The following ANKS3 variants were observed in gnomAD, a reference collection of about 807,000 sequenced individuals.
ANKS3 encodes ankyrin repeat and SAM domain-containing protein 3.
In ANKS3, 62 loss-of-function variants were observed where a neutral mutation model predicts 80.7. The observed-to-expected ratio is 0.77, with a 90% confidence interval of 0.63 to 0.95. The LOEUF is 0.95. ANKS3 is among the 40% of genes least tolerant of loss of function. The pLI, the probability that ANKS3 is intolerant of heterozygous loss-of-function variation, is 0.00. For synonymous variants in ANKS3, 489 were observed against 355.3 expected (o/e 1.38, Z -4.23); for missense variants, 1,150 against 883.6 (o/e 1.30, Z -3.82).
intron 8 of ANKS3, among the ~76,000 whole-genome samples, chr16:4,703,421 A>ATTT (rs3051126): frequency 3.8e-5 from 5 of 131,622 alleles, no homozygotes; most frequent in Non-Finnish European, 4.9e-5. Flanking sequence ...GGCCCCCCCA[A>ATTT]TTTTTTTTTT....
intron 3 of ANKS3, among the ~76,000 whole-genome samples, chr16:4,728,270 C>G (rs1205310290): frequency 1.3e-5 from 2 of 152,194 alleles, no homozygotes; most frequent in Non-Finnish European, 2.9e-5. Context: ...TGGTCTCGAT[C>G]TCCTGACCTC....
At chr16:4,716,569 C>T (rs564074703) in intron 6 of ANKS3, among the ~76,000 whole-genome samples, 37 of 152,086 alleles carry the variant, frequency 2.4e-4, no homozygotes, top group Admixed American at 9.8e-4. Context: ...TAGAGTGCCC[C>T]CCATCCTACT....
chr16:4,720,685 A>C (rs2081044015), intron 6 of ANKS3, among the ~76,000 whole-genome samples: 1 of 151,384 alleles, frequency 6.6e-6, no homozygotes, highest in African/African-American at 2.4e-5. Context: ...TCATGCCTGT[A>C]ATCTCAGCAC....
At chr16:4,698,393 G>C (rs761672053) in intron 14 of ANKS3, 34 bp downstream of exon 14, 26 of 1,453,024 alleles carry the variant, frequency 1.8e-5, no homozygotes, top group Non-Finnish European at 2.3e-5. Flanking sequence ...CTGACCACTG[G>C]AGACCCAGCC....
chr16:4,698,243 G>A lies in ANKS3; in HGVS notation c.1725-181C>T, dbSNP rs936793477. The A allele has an allele frequency of 4.3e-5, 49 of 1,133,706 alleles. No homozygotes were observed. The Middle Eastern group carries it at 1.7e-3, about 40-fold the overall frequency. The allele number at this position is 1,133,706 out of a possible 1,614,324, so 70.2% of individuals were successfully genotyped here. On this transcript the variant is annotated intron_variant, in intron 14 of 17. Coordinates refer to ENST00000304283, the MANE Select transcript of ANKS3 (RefSeq NM_133450.4). ...AGGAGGGCGACCGGTGCAGATTCCCGGACCCAACTCCTGCCTGGGTCTGCC... is the reference window on the plus strand; with the variant it reads ...AGGAGGGCGACCGGTGCAGATTCCCAGACCCAACTCCTGCCTGGGTCTGCC...
chr16:4,697,593 C>G (rs1342161623), intron 15 of ANKS3, among the ~76,000 whole-genome samples, 177 bp from the exon 16 acceptor site: 3 of 151,988 alleles, frequency 2.0e-5, no homozygotes, highest in African/African-American at 7.2e-5. Context: ...TGCCCTTCCT[C>G]CCACAGGCTG....
At chr16:4,725,493 A>C (rs1567437046) in intron 5 of ANKS3, among the ~76,000 whole-genome samples, 1 of 152,180 alleles carries the variant, frequency 6.6e-6, no homozygotes, top group Non-Finnish European at 1.5e-5. Flanking sequence ...AATTAGTAGC[A>C]TATTTTTTCT....
At chr16:4,726,324 G>GA (rs76467642) in intron 5 of ANKS3, among the ~76,000 whole-genome samples, 77,983 of 152,044 alleles carry the variant, frequency 0.51, 20,532 homozygotes, top group East Asian at 0.67. Flanking sequence ...CAAAAAGCAA[G>GA]AAAATGGAAG....
At chr16:4,724,233 C>T (rs368587929) in intron 6 of ANKS3, among the ~76,000 whole-genome samples, 17 of 152,162 alleles carry the variant, frequency 1.1e-4, no homozygotes, top group Non-Finnish European at 4.4e-5. Flanking sequence ...AGATTGTACA[C>T]GGAATACTGT....
intron 13 of ANKS3, 40 bp downstream of exon 13, chr16:4,698,760 G>A (rs375505524): frequency 7.8e-5 from 123 of 1,567,506 alleles, no homozygotes; most frequent in Non-Finnish European, 9.6e-5. Context: ...CCAACTCACG[G>A]GTGTCACCCT....
rs1261411545 is a variant in ANKS3 at position 4,710,112 on chromosome 16, T to C, written c.709+3939A>G. Among the ~76,000 whole-genome samples, 2 of 152,120 alleles carry C rather than the reference T, an allele frequency of 1.3e-5. 1 individual carries two copies. Among genetic ancestry groups the C allele is most frequent in the South Asian group, 4.1e-4 (2 of 4,826 alleles). Reference sequence around the variant, plus strand: ...TCAAACATGTAGAGTAGAATAGTGATTATCAGAGGTTGGGGGTGGGGAGGT... The same window carrying C: ...TCAAACATGTAGAGTAGAATAGTGACTATCAGAGGTTGGGGGTGGGGAGGT... On this transcript the variant is annotated intron_variant, in intron 7 of 17. Coordinates refer to ENST00000304283, the MANE Select transcript of ANKS3 (RefSeq NM_133450.4).
At position 4,730,170 on chromosome 16, in the gene ANKS3, G is replaced by A; in HGVS notation, c.-2-19C>T. 1 of 1,480,360 alleles carries A rather than the reference G, an allele frequency of 6.8e-7. No individual in the cohort carries two copies. The highest frequency in any genetic ancestry group is 2.5e-5 in the East Asian group (1 of 39,402). 91.7% of individuals were successfully genotyped at this position (1,480,360 alleles called of 1,614,324 possible). On this transcript the variant is annotated intron_variant, in intron 2 of 17. Transcript: ENST00000304283. ...GACATCACTGAGGAGGAAGGCCCAA[G>A]GGTTAGATCTTTCCTGGCTGGTTGT... is the stretch of plus-strand genomic sequence containing the variant.
At chr16:4,714,636 C>T (rs1400011580) in intron 6 of ANKS3, among the ~76,000 whole-genome samples, 1 of 152,234 alleles carries the variant, frequency 6.6e-6, no homozygotes, top group Non-Finnish European at 1.5e-5. Flanking sequence ...TGCAGCGCAA[C>T]AATTCCACTT....
At chr16:4,700,638 T>C (rs900483088) in intron 11 of ANKS3, 1 of 422,776 alleles carries the variant, frequency 2.4e-6, no homozygotes, top group Non-Finnish European at 4.5e-6. Flanking sequence ...GTGTAGTTCC[T>C]GTCTCTGCTT....
intron 7 of ANKS3, among the ~76,000 whole-genome samples, chr16:4,707,956 C>CA (rs200188014): frequency 0.011 from 1,700 of 150,380 alleles, 27 homozygotes; most frequent in African/African-American, 0.039. Context: ...ACTAAAAATA[C>CA]AAAAAAAAAT....
chr16:4,708,858 G>T lies in ANKS3; in HGVS notation c.710-3605C>A, dbSNP rs181733251. Among the ~76,000 whole-genome samples the T allele has an allele frequency of 2.3e-3, 351 of 151,914 alleles. 1 individual carries two copies. The highest frequency in any genetic ancestry group is 7.9e-3 in the African/African-American group (327 of 41,436). ...AAAGGCTGAGGCAGGAGAATCGCTT[G>T]AACCTGGGAGGCGGGGGTTGCAGTG... On this transcript the variant is annotated intron_variant, in intron 7 of 17. Transcript: ENST00000304283.
intron 7 of ANKS3, among the ~76,000 whole-genome samples, chr16:4,706,778 G>A (rs2080218023): frequency 6.6e-6 from 1 of 152,188 alleles, no homozygotes; most frequent in African/African-American, 2.4e-5. Context: ...GGGCAGAAAT[G>A]AAGGGAAAGG....
At chr16:4,697,272 G>T in intron 16 of ANKS3, 61 bp downstream of exon 16, 2 of 1,551,330 alleles carry the variant, frequency 1.3e-6, no homozygotes, top group South Asian at 1.2e-5. Flanking sequence ...CTGGAAAGGG[G>T]TCCCTTTGCC....
Position 4,699,474 on chromosome 16 carries a change from G to A in ANKS3, c.1285-298C>T, listed in dbSNP as rs766049184. On this transcript the variant is annotated intron_variant, in intron 11 of 17. Coordinates refer to ENST00000304283, the MANE Select transcript of ANKS3 (RefSeq NM_133450.4). ...AAGGGACCATGGAGCTGCTGATCTC[G>A]ACAATGCTTTGTAGGCGGAGAGCGC... The A allele has an allele frequency of 1.8e-4, 76 of 416,110 alleles. 2 individuals are homozygous for A. The highest frequency in any genetic ancestry group is 1.8e-3 in the South Asian group (65 of 36,598). 25.8% of individuals were successfully genotyped at this position (416,110 alleles called of 1,614,324 possible).
Sources: allele counts gnomAD v4.1 joint callset (sites outside exome capture counted in the v4.1 genomes callset), GRCh38; gene constraint gnomAD v4.1.1; transcripts MANE v1.5; gene names NCBI Gene and HGNC (gene_info 2026-07-23, HGNC 2026-07-21).